The following MROH9 variants were observed in gnomAD, a reference collection of about 807,000 sequenced individuals.
The protein encoded by MROH9 is maestro heat-like repeat-containing protein family member 9.
Under a neutral mutation model 98.2 loss-of-function variants are expected in MROH9, and 92 were observed. The ratio of observed to expected loss-of-function variants is 0.94; its 90% confidence interval spans 0.79 to 1.11. MROH9 has a LOEUF of 1.11. Among genes scored for constraint, MROH9 ranks in the 50% most tolerant of loss-of-function variants. The probability of loss-of-function intolerance (pLI) is 0.00; values close to 1 mark genes in which losing one functional copy is unlikely to be tolerated. For synonymous variants in MROH9, 397 were observed against 368.9 expected (o/e 1.08, Z -0.87); for missense variants, 1,057 against 1,014.8 (o/e 1.04, Z -0.57).
chr1:170,998,445 G>A, intron 15 of MROH9, 171 bp downstream of exon 15: 1 of 1,564,914 alleles, frequency 6.4e-7, no homozygotes, highest in South Asian at 1.2e-5. Context: ...GTTAGATCTG[G>A]GTTATGGAAG....
At chr1:171,045,441 TTCTC>T (rs1467405048) in intron 20 of MROH9, among the ~76,000 whole-genome samples, 1 of 152,168 alleles carries the variant, frequency 6.6e-6, no homozygotes, top group African/African-American at 2.4e-5. Flanking sequence ...AGCTACAGAC[TTCTC>T]TCTTAGTACC....
intron 3 of MROH9, among the ~76,000 whole-genome samples, chr1:170,957,732 A>G (rs985689768): frequency 6.6e-6 from 1 of 151,820 alleles, no homozygotes; most frequent in Non-Finnish European, 1.5e-5. Flanking sequence ...TTCTCATTCC[A>G]TAGTGTAAGT....
At chr1:170,976,575 C>T (rs948049886) in intron 8 of MROH9, among the ~76,000 whole-genome samples, 15 of 152,052 alleles carry the variant, frequency 9.9e-5, no homozygotes, top group Admixed American at 6.5e-4. Flanking sequence ...GGTGAAACCT[C>T]GTCTCTAATA....
chr1:171,040,315 TTAA>T lies in MROH9; in HGVS notation c.2281+14901_2281+14903del, dbSNP rs754774125. 1.4e-4 allele frequency among the ~76,000 whole-genome samples: 21 copies of T among 152,198 alleles called. No individual in the cohort carries two copies. In the South Asian group the frequency reaches 1.4e-3, roughly 11 times the overall value. ...CTAATGTATAGCATGAAAACTGTAC[TTAA>T]TAATATTGTATTACATACTTACATA... On this transcript the variant is annotated intron_variant, in intron 20 of 21. Transcript: ENST00000367759.
chr1:170,985,370 G>A (rs1162038821), intron 9 of MROH9, among the ~76,000 whole-genome samples: 2 of 152,090 alleles, frequency 1.3e-5, no homozygotes, highest in East Asian at 1.9e-4. Flanking sequence ...ACAACACGGC[G>A]TAGCAGTAAG....
chr1:170,952,478 T>C (rs1446544756), intron 3 of MROH9, among the ~76,000 whole-genome samples: 1 of 151,896 alleles, frequency 6.6e-6, no homozygotes, highest in Non-Finnish European at 1.5e-5. Context: ...GAAACCATCA[T>C]TCTCAGCAAA....
intron 20 of MROH9, among the ~76,000 whole-genome samples, chr1:171,034,063 A>G (rs575435079): frequency 2.0e-5 from 3 of 152,164 alleles, no homozygotes; most frequent in Non-Finnish European, 4.4e-5. Context: ...AATTTTAAAA[A>G]TAGAGAAACT....
At chr1:171,046,417 A>G (rs968140341) in intron 20 of MROH9, among the ~76,000 whole-genome samples, 1 of 151,948 alleles carries the variant, frequency 6.6e-6, no homozygotes, top group Non-Finnish European at 1.5e-5. Context: ...TTTCTCTGGC[A>G]GTATAATTTA....
rs1406779515 is a variant in MROH9 at position 171,064,636 on chromosome 1, C to T, written c.*296C>T. The T allele has an allele frequency of 1.2e-5, 3 of 251,376 alleles. No homozygotes were observed. In the East Asian group the frequency reaches 2.9e-4, roughly 24 times the overall value. The allele number at this position is 251,376 out of a possible 1,614,324, so 15.6% of individuals were successfully genotyped here. ...TAAGCAAAGTGTTTGATGAGAAGCT[C>T]TGGGAACTTGATTCAGTCCGGAAGC... On this transcript the variant is annotated 3_prime_UTR_variant, in exon 22 of 22. Transcript: ENST00000367759.
rs574535540 is a variant in MROH9 at position 170,952,754 on chromosome 1, A to AT, written c.72+5181_72+5182insT. 2.3e-3 allele frequency among the ~76,000 whole-genome samples: 346 copies of AT among 149,522 alleles called. 1 individual carries two copies. The highest frequency in any genetic ancestry group is 1.2e-3 in the Non-Finnish European group (84 of 67,366). The stretch of plus-strand genomic sequence containing the variant: ...CCCCAGAACTTAAAGTATAATAAAA[A>AT]ATATATATATATATATTAAAAAAAG... On this transcript the variant is annotated intron_variant, in intron 3 of 21. Transcript: ENST00000367759.
chr1:171,001,508 T>C (rs188489979), intron 15 of MROH9, among the ~76,000 whole-genome samples: 9 of 152,282 alleles, frequency 5.9e-5, no homozygotes, highest in African/African-American at 2.2e-4. Context: ...TTTGACCCAA[T>C]GCTCATTCAG....
intron 20 of MROH9, 118 bp downstream of exon 20, chr1:171,025,538 T>A (rs1652680059): frequency 1.6e-6 from 1 of 644,278 alleles, no homozygotes; most frequent in Non-Finnish European, 2.7e-6. Context: ...ACAGCACCTG[T>A]GATGGTGATG....
intron 15 of MROH9, among the ~76,000 whole-genome samples, chr1:171,013,763 A>G (rs1652236959): frequency 6.6e-6 from 1 of 152,082 alleles, no homozygotes; most frequent in African/African-American, 2.4e-5. Context: ...ACCTCTTAGC[A>G]TATGTAGACA....
intron 8 of MROH9, among the ~76,000 whole-genome samples, chr1:170,981,179 T>G (rs941149331): frequency 9.2e-5 from 14 of 152,188 alleles, no homozygotes; most frequent in African/African-American, 3.1e-4. Flanking sequence ...GTAAGTTAAT[T>G]CAACCATTGT....
intron 15 of MROH9, among the ~76,000 whole-genome samples, chr1:171,000,467 G>A (rs1380032273): frequency 6.6e-6 from 1 of 151,878 alleles, no homozygotes; most frequent in East Asian, 1.9e-4. Context: ...GGACTTTGTC[G>A]AATGCTTTTT....
At chr1:171,001,129 T>G (rs1273753574) in intron 15 of MROH9, among the ~76,000 whole-genome samples, 1 of 152,156 alleles carries the variant, frequency 6.6e-6, no homozygotes, top group Non-Finnish European at 1.5e-5. Flanking sequence ...ATTTTCTGTC[T>G]TCTTTTCTTT....
At chr1:170,951,242 C>G (rs193261354) in intron 3 of MROH9, among the ~76,000 whole-genome samples, 476 of 152,148 alleles carry the variant, frequency 3.1e-3, no homozygotes, top group Non-Finnish European at 4.9e-3. Flanking sequence ...AGAGTTATGG[C>G]ATTCCAATTA....
At chr1:171,027,653 T>C (rs1652765428) in intron 20 of MROH9, among the ~76,000 whole-genome samples, 1 of 152,248 alleles carries the variant, frequency 6.6e-6, no homozygotes, top group Non-Finnish European at 1.5e-5. Flanking sequence ...ATGGTTGAAA[T>C]AATTTACATT....
intron 20 of MROH9, among the ~76,000 whole-genome samples, chr1:171,033,562 C>A (rs1652999276): frequency 6.6e-6 from 1 of 152,228 alleles, no homozygotes; most frequent in South Asian, 2.1e-4. Flanking sequence ...GTTCTTCCTT[C>A]TCTCTGTGGG....
Sources: gnomAD v4.1 joint callset for allele counts (sites outside exome capture counted in the v4.1 genomes callset) on GRCh38, gnomAD v4.1.1 for gene constraint, MANE v1.5 for transcripts, NCBI Gene and HGNC (gene_info 2026-07-23, HGNC 2026-07-21) for gene names.